Variants in TBC1D12 observed in about 807,000 individuals in gnomAD.
The protein encoded by TBC1D12 is TBC1 domain family member 12, also known as TBC1 domain family, member 12.
Under a neutral mutation model 86.7 loss-of-function variants are expected in TBC1D12, and 56 were observed. The ratio of observed to expected loss-of-function variants is 0.65; its 90% CI spans 0.52 to 0.81. The LOEUF (loss-of-function observed/expected upper bound fraction) is 0.81, where lower values mean the gene tolerates loss of function less well. Ranked by LOEUF, TBC1D12 falls within the 30% of genes least tolerant of loss-of-function variation. The pLI is 0.00. For synonymous variants in TBC1D12, 421 were observed against 411.7 expected (o/e 1.02, Z -0.27); for missense variants, 1,023 against 1,038.8 (o/e 0.98, Z 0.21).
At chr10:94,451,996 C>T (rs531938503) in intron 2 of TBC1D12, among the ~76,000 whole-genome samples, 1 of 151,766 alleles carries the variant, frequency 6.6e-6, no homozygotes, top group South Asian at 2.1e-4. Context: ...AAACTATGAT[C>T]AGTCACAGTT....
At position 94,469,447 on chromosome 10, in the gene TBC1D12, CTTTTTTTT is replaced by C. The variant is rs71031578; in HGVS notation, c.1096-5209_1096-5202del. Among the ~76,000 whole-genome samples, 28 of 112,572 alleles carry C rather than the reference CTTTTTTTT, an allele frequency of 2.5e-4. 2 individuals are homozygous for C. The South Asian group carries it at 8.4e-3, about 34-fold the overall frequency. 73.9% of individuals were successfully genotyped at this position (112,572 alleles called of 152,430 possible). On this transcript the variant is annotated intron_variant, in intron 2 of 12. Transcript: ENST00000225235. ...CTATGCTAGTTTCTGGAGTTTTTTC[CTTTTTTTT>C]TTTTTTTTTTTGAGATGGAGTCTCA... is the stretch of plus-strand genomic sequence containing the variant.
Position 94,402,994 on chromosome 10 carries a change from G to C in TBC1D12, c.381G>C (p.Ala127=), listed in dbSNP as rs772161280. ...HRGAEVADGR[A]PRHEGMTNGD... is the part of the protein sequence containing the mutation. ...GCGCGGAGGTGGCTGATGGCCGCGC[G>C]CCGCGGCACGAAGGCATGACCAACG... The change falls in exon 1 of 13, where the codon GCG becomes GCC. Residue 127 remains alanine, a synonymous_variant. Transcript: ENST00000225235. 6 of 1,575,480 alleles carry C rather than the reference G, an allele frequency of 3.8e-6. No individual in the cohort carries two copies. Among genetic ancestry groups the C allele is most frequent in the Non-Finnish European group, 5.1e-6 (6 of 1,165,252 alleles).
At chr10:94,427,481 A>G (rs2055161565) in intron 1 of TBC1D12, among the ~76,000 whole-genome samples, 1 of 152,166 alleles carries the variant, frequency 6.6e-6, no homozygotes, top group African/African-American at 2.4e-5. Context: ...TTTTATAATT[A>G]CTTTTTTCTT....
At chr10:94,453,900 C>T (rs536643064) in intron 2 of TBC1D12, among the ~76,000 whole-genome samples, 7 of 152,016 alleles carry the variant, frequency 4.6e-5, no homozygotes, top group Admixed American at 3.9e-4. Flanking sequence ...TGCCTTTGCT[C>T]CTTTGTCAAA....
intron 2 of TBC1D12, among the ~76,000 whole-genome samples, chr10:94,449,094 A>T (rs1454381987): frequency 6.6e-6 from 1 of 152,226 alleles, no homozygotes; most frequent in Admixed American, 6.5e-5. Context: ...AAGTTTTCAC[A>T]AATTAAACGG....
intron 2 of TBC1D12, among the ~76,000 whole-genome samples, chr10:94,450,098 T>C (rs144829195): frequency 7.9e-5 from 12 of 152,332 alleles, no homozygotes; most frequent in African/African-American, 2.6e-4. Flanking sequence ...TTTTCTGGCT[T>C]ATTTCCATGA....
chr10:94,459,636 C>T (rs1344634721), intron 2 of TBC1D12, among the ~76,000 whole-genome samples: 2 of 152,218 alleles, frequency 1.3e-5, no homozygotes, highest in Non-Finnish European at 2.9e-5. Flanking sequence ...GTCCTGAGCC[C>T]TGCCCCGTGG....
intron 1 of TBC1D12, among the ~76,000 whole-genome samples, chr10:94,433,462 A>G (rs898322507): frequency 2.0e-5 from 3 of 152,154 alleles, no homozygotes; most frequent in African/African-American, 4.8e-5. Context: ...AGATTTATGT[A>G]TATTTAGCAT....
intron 2 of TBC1D12, among the ~76,000 whole-genome samples, chr10:94,462,527 G>A: frequency 6.6e-6 from 1 of 152,098 alleles, no homozygotes; most frequent in Non-Finnish European, 1.5e-5. Flanking sequence ...AGTGAAGTGT[G>A]GAAGTTTTTT....
At chr10:94,425,484 G>C (rs1224848164) in intron 1 of TBC1D12, among the ~76,000 whole-genome samples, 2 of 152,184 alleles carry the variant, frequency 1.3e-5, no homozygotes, top group Non-Finnish European at 2.9e-5. Flanking sequence ...TAATTTCTCT[G>C]AAATTAGCTG....
intron 2 of TBC1D12, among the ~76,000 whole-genome samples, chr10:94,469,610 C>T (rs2055874566): frequency 6.6e-6 from 1 of 151,834 alleles, no homozygotes; most frequent in African/African-American, 2.4e-5. Context: ...CCACCATGCC[C>T]AGCTAATTTT....
intron 2 of TBC1D12, among the ~76,000 whole-genome samples, chr10:94,459,831 A>C (rs1245013700): frequency 6.6e-6 from 1 of 152,150 alleles, no homozygotes; most frequent in Non-Finnish European, 1.5e-5. Context: ...CGGAACTTGC[A>C]CTGGCCCGTG....
chr10:94,459,106 GGTCC>G (rs2055680518), intron 2 of TBC1D12, among the ~76,000 whole-genome samples: 1 of 150,956 alleles, frequency 6.6e-6, no homozygotes, highest in African/African-American at 2.4e-5. Context: ...AGAGCTGATT[GGTCC>G]ATTTTACAGA....
intron 1 of TBC1D12, among the ~76,000 whole-genome samples, chr10:94,410,728 G>C (rs558577548): frequency 2.6e-5 from 4 of 152,160 alleles, no homozygotes; most frequent in Non-Finnish European, 5.9e-5. Context: ...AAATTTAAGA[G>C]CAAAAACTTA....
rs2054780087 is a variant in TBC1D12 at position 94,402,550 on chromosome 10, C to A, written c.-64C>A. On this transcript the variant is annotated 5_prime_UTR_variant, in exon 1 of 13. Transcript: ENST00000225235. Reference sequence around the variant, plus strand: ...CGCGGCCCCAGCACCCAGAGCTGTTCTCTGGCCAAGCCTGCGCCTGTAGTC... The same window carrying A: ...CGCGGCCCCAGCACCCAGAGCTGTTATCTGGCCAAGCCTGCGCCTGTAGTC... 6.3e-7 allele frequency: 1 copy of A among 1,578,490 alleles called. No homozygotes were observed. Among genetic ancestry groups the A allele is most frequent in the African/African-American group, 1.4e-5 (1 of 73,364 alleles).
In TBC1D12 at chr10:94,470,595, A is replaced by C. The variant is rs186959023; in HGVS notation, c.1096-4073A>C. On this transcript the variant is annotated intron_variant, in intron 2 of 12. Coordinates refer to ENST00000225235, the MANE Select transcript of TBC1D12 (RefSeq NM_015188.2). ...CCAGGCTGGTCTTGAACTCCTAGGC[A>C]CAAGTGATCTGCCAGCCTCGGCTTC... Among the ~76,000 whole-genome samples the C allele has an allele frequency of 6.2e-3, 945 of 151,730 alleles. 5 individuals are homozygous for C. The highest frequency in any genetic ancestry group is 8.2e-3 in the Non-Finnish European group (556 of 67,914).
chr10:94,410,528 A>G, intron 1 of TBC1D12, among the ~76,000 whole-genome samples: 1 of 152,170 alleles, frequency 6.6e-6, no homozygotes, highest in Non-Finnish European at 1.5e-5. Flanking sequence ...GGTGTGAGCC[A>G]TCGTGCCCAG....
chr10:94,534,092 T>G lies in TBC1D12; in HGVS notation c.*996T>G, dbSNP rs1370164353. ...GTAAAACTCTATGCATAATTTTTCC[T>G]AATCAGTGGAAATAAGAATAAAAGA... On this transcript the variant is annotated 3_prime_UTR_variant, in exon 13 of 13. Transcript: ENST00000225235. The G allele has an allele frequency of 2.0e-5, 3 of 152,240 alleles. No individual in the cohort carries two copies. The highest frequency in any genetic ancestry group is 7.2e-5 in the African/African-American group (3 of 41,470). 9.4% of individuals were successfully genotyped at this position (152,240 alleles called of 1,614,324 possible).
At chr10:94,499,704 C>G (rs1346863645) in intron 5 of TBC1D12, among the ~76,000 whole-genome samples, 2 of 152,066 alleles carry the variant, frequency 1.3e-5, no homozygotes, top group African/African-American at 4.8e-5. Flanking sequence ...ATTTTTACTC[C>G]CATTTATCTT....
Sources: gnomAD v4.1 joint callset for allele counts (sites outside exome capture counted in the v4.1 genomes callset) on GRCh38, gnomAD v4.1.1 for gene constraint, MANE v1.5 for transcripts, NCBI Gene and HGNC (gene_info 2026-07-23, HGNC 2026-07-21) for gene names.